The following MET variants were observed in gnomAD, a reference collection of about 807,000 sequenced individuals.
The protein encoded by MET is hepatocyte growth factor receptor.
A neutral mutation model predicts 133.1 loss-of-function variants in MET; 48 were observed. That is an observed-to-expected ratio of 0.36 (90% CI 0.29 to 0.46). The LOEUF is 0.46. Ranked by LOEUF, MET falls within the 20% of genes least tolerant of loss-of-function variation. The pLI is 1.00. For missense variants in MET, 1,442 were observed against 1,695.9 expected (o/e 0.85, Z 2.63); for synonymous variants, 628 against 616.5 (o/e 1.02, Z -0.28).
At chr7:116,727,138 T>C (rs901207191) in intron 2 of MET, among the ~76,000 whole-genome samples, 7 of 152,202 alleles carry the variant, frequency 4.6e-5, no homozygotes, top group Admixed American at 4.6e-4. Context: ...CTCTGCTGTT[T>C]CCAGAAAATA....
intron 16 of MET, 125 bp downstream of exon 16, chr7:116,777,594 G>A (rs1250883463): frequency 8.8e-6 from 8 of 913,732 alleles, no homozygotes; most frequent in Non-Finnish European, 1.4e-5. Flanking sequence ...TGAAATTATG[G>A]GCCTAATCCT....
chr7:116,744,948 G>T (rs533061410), intron 5 of MET, among the ~76,000 whole-genome samples: 3 of 152,264 alleles, frequency 2.0e-5, no homozygotes, highest in Admixed American at 6.5e-5. Flanking sequence ...GCAGGAGAAA[G>T]AAATAAAGGG....
intron 1 of MET, among the ~76,000 whole-genome samples, chr7:116,692,643 G>A (rs1372228539): frequency 6.6e-6 from 1 of 152,130 alleles, no homozygotes; most frequent in African/African-American, 2.4e-5. Flanking sequence ...AGGCTGAACT[G>A]GTATTTGTAA....
chr7:116,777,899 GA>G (rs1795043572), intron 16 of MET, among the ~76,000 whole-genome samples: 1 of 152,104 alleles, frequency 6.6e-6, no homozygotes, highest in African/African-American at 2.4e-5. Flanking sequence ...ACAAACAGGA[GA>G]AAACTACGCT....
intron 17 of MET, among the ~76,000 whole-genome samples, chr7:116,780,817 G>T (rs2117055851): frequency 6.6e-6 from 1 of 152,300 alleles, no homozygotes; most frequent in Non-Finnish European, 1.5e-5. Flanking sequence ...ATTCCTGATT[G>T]CCAGCCAGTG....
intron 17 of MET, among the ~76,000 whole-genome samples, chr7:116,780,115 T>G (rs2117053767): frequency 6.6e-6 from 1 of 152,282 alleles, no homozygotes; most frequent in African/African-American, 2.4e-5. Context: ...ATGAATCAGC[T>G]AAGGGTTACA....
chr7:116,739,827 G>A (rs1793373596), intron 3 of MET, 123 bp from the exon 4 acceptor site: 7 of 1,326,044 alleles, frequency 5.3e-6, no homozygotes, highest in Middle Eastern at 2.3e-4. Context: ...GGAACTGTTG[G>A]GTCTTCAGTT....
chr7:116,680,863 G>A (rs1796330237), intron 1 of MET, among the ~76,000 whole-genome samples: 1 of 152,076 alleles, frequency 6.6e-6, no homozygotes, highest in South Asian at 2.1e-4. Context: ...GATCACCTGA[G>A]CCTGGGAGGC....
intron 8 of MET, among the ~76,000 whole-genome samples, chr7:116,758,241 T>G (rs1451980413): frequency 6.6e-6 from 1 of 152,178 alleles, no homozygotes; most frequent in Non-Finnish European, 1.5e-5. Context: ...AGGTTTTTTT[T>G]TCAAATCTCA....
chr7:116,793,368 T>G (rs1180424743), intron 19 of MET, among the ~76,000 whole-genome samples: 4 of 150,794 alleles, frequency 2.7e-5, no homozygotes, highest in African/African-American at 9.8e-5. Context: ...AGAGACAGGG[T>G]TTCACCATGT....
chr7:116,772,134 A>C (rs1584955607), intron 14 of MET, 145 bp downstream of exon 14: 5 of 829,850 alleles, frequency 6.0e-6, no homozygotes, highest in Non-Finnish European at 9.4e-6. Context: ...TATTTGACAC[A>C]AAATTACATG....
intron 1 of MET, among the ~76,000 whole-genome samples, chr7:116,680,915 A>G (rs1307076159): frequency 6.6e-6 from 1 of 152,104 alleles, no homozygotes; most frequent in African/African-American, 2.4e-5. Context: ...GCACTCCAGC[A>G]TGGGTGACAA....
chr7:116,724,203 C>T (rs546510768), intron 2 of MET: 9 of 165,726 alleles, frequency 5.4e-5, no homozygotes, highest in South Asian at 4.9e-4. Flanking sequence ...TTTTTTAAGC[C>T]GGTCCGAAAA....
intron 5 of MET, among the ~76,000 whole-genome samples, chr7:116,743,330 G>C (rs1466900141): frequency 6.6e-6 from 1 of 152,204 alleles, no homozygotes; most frequent in Non-Finnish European, 1.5e-5. Flanking sequence ...CACCGAGCAG[G>C]AGTTTTTTTT....
rs574372059 is a variant in MET at position 116,781,805 on chromosome 7, T to C, written c.3523-183T>C. On this transcript the variant is annotated intron_variant, in intron 17 of 20. Coordinates refer to ENST00000397752, the MANE Select transcript of MET (RefSeq NM_000245.4). ...GTTGCCCAGGCTGATCTCAAACTCC[T>C]GGCCTCAAGCCATCCTCTCGCCTTG... Among the ~76,000 whole-genome samples, 3 of 152,366 alleles carry C rather than the reference T, an allele frequency of 2.0e-5. No individual in the cohort carries two copies. In the South Asian group the frequency reaches 6.2e-4, roughly 32 times the overall value.
chr7:116,716,838 G>A (rs986466722), intron 2 of MET, among the ~76,000 whole-genome samples: 5 of 152,210 alleles, frequency 3.3e-5, no homozygotes, highest in Admixed American at 6.5e-5. Flanking sequence ...TGCTCAGCCC[G>A]TGGCTGGCTG....
At chr7:116,786,451 T>C (rs534722049) in intron 19 of MET, among the ~76,000 whole-genome samples, 112 of 151,956 alleles carry the variant, frequency 7.4e-4, no homozygotes, top group African/African-American at 2.5e-3. Flanking sequence ...ATATATAAAG[T>C]GAAAGAGAAA....
chr7:116,675,772 CTTTTCTTTTCTTT>C (rs946768626), intron 1 of MET, among the ~76,000 whole-genome samples: 26 of 140,590 alleles, frequency 1.8e-4, no homozygotes, highest in Non-Finnish European at 3.3e-4. Context: ...TTTTTAATTT[CTTTTCTTTTCTTT>C]TTTTCTTTTC....
At chr7:116,789,158 GTTGTT>G (rs1219221108) in intron 19 of MET, among the ~76,000 whole-genome samples, 1 of 151,990 alleles carries the variant, frequency 6.6e-6, no homozygotes, top group Non-Finnish European at 1.5e-5. Flanking sequence ...CTGCTTCTAG[GTTGTT>G]TTCTTTATCC....
Sources: allele counts gnomAD v4.1 joint callset (sites outside exome capture counted in the v4.1 genomes callset), GRCh38; gene constraint gnomAD v4.1.1; transcripts MANE v1.5; gene names NCBI Gene and HGNC (gene_info 2026-07-23, HGNC 2026-07-21).